Variants in LDB2 observed in about 807,000 individuals in gnomAD.
The protein encoded by LDB2 is LIM domain binding 2, also known as LIM domain-binding protein 2.
Under a neutral mutation model 44.3 loss-of-function variants are expected in LDB2, and 12 were observed. The observed-to-expected ratio is 0.27, with a 90% CI of 0.17 to 0.44. LDB2 has a LOEUF of 0.44. Among genes scored for constraint, LDB2 ranks in the 20% least tolerant of loss-of-function variants. The probability of loss-of-function intolerance (pLI) is 1.00; values close to 1 mark genes in which losing one functional copy is unlikely to be tolerated. For missense variants in LDB2, 344 were observed against 473.5 expected, an observed-to-expected ratio of 0.73 and a Z score of 2.54; for synonymous variants, 164 against 174.8, an observed-to-expected ratio of 0.94 and a Z score of 0.49.
intron 1 of LDB2, among the ~76,000 whole-genome samples, chr4:16,856,822 G>A (rs767229164): frequency 1.3e-5 from 2 of 152,110 alleles, no homozygotes; most frequent in Non-Finnish European, 2.9e-5. Flanking sequence ...TGAGTCCAGC[G>A]TGGTTAAGTC....
intron 2 of LDB2, among the ~76,000 whole-genome samples, chr4:16,669,457 T>C (rs1744176502): frequency 6.6e-6 from 1 of 152,202 alleles, no homozygotes; most frequent in African/African-American, 2.4e-5. Context: ...TTTAATCAAG[T>C]TCTTCCAGCC....
intron 5 of LDB2, among the ~76,000 whole-genome samples, chr4:16,540,731 T>TA (rs1194242314): frequency 1.3e-5 from 2 of 152,174 alleles, no homozygotes; most frequent in African/African-American, 4.8e-5. Context: ...TAAAAATCTA[T>TA]AAAAAATGAC....
At chr4:16,625,714 C>A (rs540999400) in intron 2 of LDB2, among the ~76,000 whole-genome samples, 1 of 152,168 alleles carries the variant, frequency 6.6e-6, no homozygotes, top group Non-Finnish European at 1.5e-5. Flanking sequence ...TGAAAACTTA[C>A]GGAAGTTTAA....
intron 2 of LDB2, among the ~76,000 whole-genome samples, chr4:16,705,267 C>CATGA (rs1195639491): frequency 3.9e-5 from 6 of 152,064 alleles, no homozygotes; most frequent in Non-Finnish European, 8.8e-5. Flanking sequence ...GAATAGAGTT[C>CATGA]ACATCCATGC....
intron 1 of LDB2, among the ~76,000 whole-genome samples, chr4:16,889,652 T>C (rs1419655980): frequency 6.6e-6 from 1 of 152,216 alleles, no homozygotes; most frequent in African/African-American, 2.4e-5. Flanking sequence ...TAATTTTCTT[T>C]ATTCAATAGG....
At position 16,592,463 on chromosome 4, in the gene LDB2, TAC is replaced by T. The variant is rs1284600069; in HGVS notation, c.408+3238_408+3239del. ...TAAACGCATTCATATGCATTATACATACATATATATATATATATATATATATA... is the reference window on the plus strand; with the variant it reads ...TAAACGCATTCATATGCATTATACATATATATATATATATATATATATATA... On this transcript the variant is annotated intron_variant, in intron 3 of 7. Coordinates refer to ENST00000304523, the MANE Select transcript of LDB2 (RefSeq NM_001290.5). Among the ~76,000 whole-genome samples the T allele has an allele frequency of 2.7e-3, 178 of 66,122 alleles. 1 individual carries two copies. Among genetic ancestry groups the T allele is most frequent in the South Asian group, 0.016 (29 of 1,814 alleles). 43.4% of individuals were successfully genotyped at this position (66,122 alleles called of 152,430 possible).
chr4:16,712,409 G>A (rs562757292), intron 2 of LDB2, among the ~76,000 whole-genome samples: 1 of 152,118 alleles, frequency 6.6e-6, no homozygotes, highest in South Asian at 2.1e-4. Context: ...AAAATTAGCT[G>A]GGCATGGTGG....
intron 2 of LDB2, among the ~76,000 whole-genome samples, chr4:16,656,876 TTTAA>T (rs1300613096): frequency 6.6e-6 from 1 of 152,240 alleles, no homozygotes; most frequent in Non-Finnish European, 1.5e-5. Flanking sequence ...AAATTATTGT[TTTAA>T]TTATAAATTA....
intron 1 of LDB2, among the ~76,000 whole-genome samples, chr4:16,874,501 T>C (rs1052200020): frequency 6.6e-6 from 1 of 152,152 alleles, no homozygotes; most frequent in Admixed American, 6.5e-5. Flanking sequence ...GCAGAATGGG[T>C]GCGAATGGTT....
chr4:16,831,630 G>A (rs1244047143), intron 1 of LDB2, among the ~76,000 whole-genome samples: 1 of 152,178 alleles, frequency 6.6e-6, no homozygotes, highest in Non-Finnish European at 1.5e-5. Flanking sequence ...CCAAGTAACT[G>A]AGGACAACTT....
Position 16,560,615 on chromosome 4 carries a change from C to T in LDB2, c.615+25307G>A, listed in dbSNP as rs1345000101. Among the ~76,000 whole-genome samples the T allele has an allele frequency of 2.0e-5, 3 of 152,304 alleles. 1 individual carries two copies. In the East Asian group the frequency reaches 5.8e-4, roughly 29 times the overall value. The stretch of plus-strand genomic sequence containing the variant: ...AAAAGAGTCCAGGACCAGATGGATT[C>T]ACAGCCGAATTCTACCAGAGGTACA... On this transcript the variant is annotated intron_variant, in intron 5 of 7. Coordinates refer to ENST00000304523, the MANE Select transcript of LDB2 (RefSeq NM_001290.5).
At chr4:16,707,912 G>A (rs1754968437) in intron 2 of LDB2, among the ~76,000 whole-genome samples, 1 of 152,208 alleles carries the variant, frequency 6.6e-6, no homozygotes, top group Non-Finnish European at 1.5e-5. Flanking sequence ...CAGCTGGGAA[G>A]CAAGGAGCTC....
At chr4:16,838,613 C>T (rs1408627188) in intron 1 of LDB2, among the ~76,000 whole-genome samples, 1 of 152,198 alleles carries the variant, frequency 6.6e-6, no homozygotes, top group African/African-American at 2.4e-5. Context: ...TACTGTCACT[C>T]TCTGGAGAAC....
chr4:16,782,659 C>T (rs1323403111), intron 1 of LDB2, among the ~76,000 whole-genome samples: 7 of 152,122 alleles, frequency 4.6e-5, no homozygotes, highest in Non-Finnish European at 8.8e-5. Context: ...AAAATAAATA[C>T]TTCTTGACCA....
chr4:16,753,370 A>G (rs1765852160), intron 2 of LDB2, among the ~76,000 whole-genome samples: 1 of 152,212 alleles, frequency 6.6e-6, no homozygotes, highest in Non-Finnish European at 1.5e-5. Flanking sequence ...ACCTTAGGGG[A>G]ACATGTCCAA....
intron 2 of LDB2, among the ~76,000 whole-genome samples, chr4:16,725,711 A>G (rs925403776): frequency 2.0e-5 from 3 of 151,988 alleles, no homozygotes; most frequent in Non-Finnish European, 4.4e-5. Context: ...ACACACCTGA[A>G]GCCTTCCCTT....
intron 1 of LDB2, among the ~76,000 whole-genome samples, chr4:16,855,116 T>C (rs1789090736): frequency 6.6e-6 from 1 of 152,090 alleles, no homozygotes; most frequent in Admixed American, 6.5e-5. Flanking sequence ...TCAAGTACTC[T>C]CCGAGATCAT....
At chr4:16,773,267 G>A (rs1355180279) in intron 1 of LDB2, among the ~76,000 whole-genome samples, 1 of 152,128 alleles carries the variant, frequency 6.6e-6, no homozygotes, top group African/African-American at 2.4e-5. Context: ...GTTTTTCACG[G>A]ACACTCTGGG....
rs1553889221 is a variant in LDB2 at position 16,542,109 on chromosome 4, G to GGT, written c.616-30006_616-30005insAC. On this transcript the variant is annotated intron_variant, in intron 5 of 7. Coordinates refer to ENST00000304523, the MANE Select transcript of LDB2 (RefSeq NM_001290.5). ...CCAATTACATCAGGTGGTGGGGGGG[G>GGT]GGGCGCGAGCAGGAGGGCATAAGAA... 1.7e-4 allele frequency among the ~76,000 whole-genome samples: 25 copies of GGT among 146,396 alleles called. 2 individuals are homozygous for GGT. Among genetic ancestry groups the GGT allele is most frequent in the African/African-American group, 5.7e-4 (22 of 38,794 alleles).
Sources: allele counts gnomAD v4.1 joint callset (sites outside exome capture counted in the v4.1 genomes callset), GRCh38; gene constraint gnomAD v4.1.1; transcripts MANE v1.5; gene names NCBI Gene and HGNC (gene_info 2026-07-23, HGNC 2026-07-21).